Variants in RYR3 observed in about 807,000 individuals in gnomAD.
The protein encoded by RYR3 is brain ryanodine receptor-calcium release channel.
A neutral mutation model predicts 584.3 loss-of-function variants in RYR3; 207 were observed. The observed-to-expected ratio is 0.35, with a 90% CI of 0.32 to 0.40. The LOEUF (loss-of-function observed/expected upper bound fraction) is 0.40, where lower values mean the gene tolerates loss of function less well. RYR3 is among the 10% of genes least tolerant of loss of function. The pLI is 1.00. For missense variants in RYR3, 5,616 were observed against 6,089.2 expected, an observed-to-expected ratio of 0.92 and a Z score of 2.59; for synonymous variants, 2,416 against 2,248.5, an observed-to-expected ratio of 1.07 and a Z score of -2.11.
At position 33,601,442 on chromosome 15, in the gene RYR3, C is replaced by T. The variant is rs758088014; in HGVS notation, c.1812C>T (p.Leu604=). ...AGGTTCTGGATATCCTGTGCTCCCTCTGTCTCTGCAATGGGGTTGCAGTGA... is the reference window on the plus strand; with the variant it reads ...AGGTTCTGGATATCCTGTGCTCCCTTTGTCTCTGCAATGGGGTTGCAGTGA... ...NHKVLDILCS[L]CLCNGVAVRA... is the part of the protein sequence containing the mutation. The change falls in exon 17 of 104, where the codon CTC becomes CTT. Residue 604 remains leucine, a synonymous_variant. Transcript: ENST00000634891. 8 of 1,613,064 alleles carry T rather than the reference C, an allele frequency of 5.0e-6. No individual in the cohort carries two copies. Among genetic ancestry groups the T allele is most frequent in the Non-Finnish European group, 6.8e-6 (8 of 1,179,610 alleles).
intron 85 of RYR3, among the ~76,000 whole-genome samples, chr15:33,827,839 G>C (rs968861592): frequency 2.6e-5 from 4 of 152,308 alleles, no homozygotes; most frequent in Admixed American, 1.3e-4. Context: ...ATGTGCCTGT[G>C]TTCCAGTTTT....
intron 1 of RYR3, among the ~76,000 whole-genome samples, chr15:33,426,358 A>G (rs766327492): frequency 5.9e-5 from 9 of 152,276 alleles, no homozygotes; most frequent in Non-Finnish European, 1.3e-4. Context: ...CCTGGCTTCC[A>G]GATTTCAGAT....
At chr15:33,581,727 A>G (rs1264297823) in intron 14 of RYR3, 84 bp downstream of exon 14, 9 of 1,244,094 alleles carry the variant, frequency 7.2e-6, no homozygotes, top group Middle Eastern at 2.0e-4. Context: ...TTAACTTGCC[A>G]TTAACCCTGT....
chr15:33,779,984 C>T (rs992419976), intron 64 of RYR3, among the ~76,000 whole-genome samples: 1 of 152,232 alleles, frequency 6.6e-6, no homozygotes, highest in East Asian at 1.9e-4. Context: ...GCACTCCAGC[C>T]TGGGTGACAG....
intron 1 of RYR3, among the ~76,000 whole-genome samples, chr15:33,405,648 G>A (rs977876565): frequency 6.6e-6 from 1 of 152,220 alleles, no homozygotes; most frequent in African/African-American, 2.4e-5. Flanking sequence ...CACGTTGATA[G>A]TAATGATGTA....
At chr15:33,818,214 T>G (rs1368592497) in intron 75 of RYR3, among the ~76,000 whole-genome samples, 1 of 152,172 alleles carries the variant, frequency 6.6e-6, no homozygotes, top group Non-Finnish European at 1.5e-5. Flanking sequence ...CTCAGGTGTC[T>G]CTGTGGGGTT....
At chr15:33,498,522 T>G (rs1213431452) in intron 2 of RYR3, among the ~76,000 whole-genome samples, 2 of 152,112 alleles carry the variant, frequency 1.3e-5, no homozygotes, top group African/African-American at 2.4e-5. Flanking sequence ...GTAGTTGAGT[T>G]TTTTTGGCGG....
At chr15:33,719,485 G>A (rs2067742370) in intron 43 of RYR3, among the ~76,000 whole-genome samples, 1 of 152,180 alleles carries the variant, frequency 6.6e-6, no homozygotes, top group Non-Finnish European at 1.5e-5. Context: ...GTAACTGAAA[G>A]AATTATAGTA....
chr15:33,439,057 G>A (rs1392459232), intron 1 of RYR3, among the ~76,000 whole-genome samples: 1 of 152,082 alleles, frequency 6.6e-6, no homozygotes, highest in Non-Finnish European at 1.5e-5. Context: ...AAAAAGTTCT[G>A]TAATCTTTTA....
chr15:33,826,564 C>T, intron 83 of RYR3, 108 bp from the exon 84 acceptor site: 1 of 1,069,974 alleles, frequency 9.3e-7, no homozygotes, highest in South Asian at 1.3e-5. Flanking sequence ...GTTCCTTTTC[C>T]AAACCATTCT....
At chr15:33,348,103 A>C (rs1221099576) in intron 1 of RYR3, among the ~76,000 whole-genome samples, 1 of 152,220 alleles carries the variant, frequency 6.6e-6, no homozygotes, top group African/African-American at 2.4e-5. Flanking sequence ...TCAACTCTAT[A>C]CATTATCACA....
chr15:33,364,111 T>C (rs1188842905), intron 1 of RYR3, among the ~76,000 whole-genome samples: 1 of 152,238 alleles, frequency 6.6e-6, no homozygotes, highest in Non-Finnish European at 1.5e-5. Flanking sequence ...TTATATTGAA[T>C]ACATTGAAAT....
intron 19 of RYR3, among the ~76,000 whole-genome samples, chr15:33,619,680 G>C (rs986338122): frequency 6.6e-6 from 1 of 152,176 alleles, no homozygotes; most frequent in Non-Finnish European, 1.5e-5. Context: ...TTTGTATTCA[G>C]TTTACAGCTT....
chr15:33,746,296 C>A, intron 53 of RYR3, 139 bp downstream of exon 53: 1 of 682,432 alleles, frequency 1.5e-6, no homozygotes, highest in Non-Finnish European at 2.6e-6. Flanking sequence ...TGTTCACAAG[C>A]TTGCCAGTGG....
At chr15:33,748,421 A>T in intron 54 of RYR3, 47 bp from the exon 55 acceptor site, 1 of 1,590,560 alleles carries the variant, frequency 6.3e-7, no homozygotes, top group Non-Finnish European at 8.6e-7. Flanking sequence ...CCTGATAAGA[A>T]CAAGGAAAAT....
chr15:33,773,599 A>G lies in RYR3; in HGVS notation c.9121A>G (p.Asn3041Asp). 1 of 1,605,106 alleles carries G rather than the reference A, an allele frequency of 6.2e-7. No individual in the cohort carries two copies. Residue 3041 changes from asparagine to aspartate, a missense_variant, in exon 64 of 104, where the codon AAC becomes GAC. Asn to Asp is a conservative substitution (Grantham distance 23). Around this residue, in one of 9 missense-constraint regions of RYR3, gnomAD observed 954 missense variants for 1,132.2 expected, o/e 0.84. Coordinates refer to ENST00000634891, the MANE Select transcript of RYR3 (RefSeq NM_001036.6). ...CSLYSLGTGK[N>D]IYVERQRPAL... Reference sequence around the variant, plus strand: ...CCTCTACTCCCTTGGGACGGGAAAGAACATTTATGTTGAAAGGTAATTAGT... The same window carrying G: ...CCTCTACTCCCTTGGGACGGGAAAGGACATTTATGTTGAAAGGTAATTAGT...
At chr15:33,451,317 C>T (rs1216829449) in intron 1 of RYR3, among the ~76,000 whole-genome samples, 2 of 152,132 alleles carry the variant, frequency 1.3e-5, no homozygotes, top group African/African-American at 4.8e-5. Flanking sequence ...CTACCCCTTC[C>T]CCACTTATCT....
At chr15:33,844,497 C>T (rs534217924) in intron 92 of RYR3, among the ~76,000 whole-genome samples, 45 of 152,192 alleles carry the variant, frequency 3.0e-4, no homozygotes, top group Non-Finnish European at 5.4e-4. Context: ...GGTGGGGGAG[C>T]GGGCACACAC....
In RYR3 at chr15:33,820,740, G is replaced by C. The variant is rs376367121; in HGVS notation, c.10759-16G>C. On this transcript the variant is annotated splice_polypyrimidine_tract_variant and intron_variant, in intron 77 of 103. Transcript: ENST00000634891. ...TGATTGTCTGTCTTCTCCCTTCCCT[G>C]CTCCATGAAATCCAGAGTTGTCAAA... is the stretch of plus-strand genomic sequence containing the variant. The C allele has an allele frequency of 6.2e-7, 1 of 1,600,658 alleles. No homozygotes were observed. The highest frequency in any genetic ancestry group is 1.3e-5 in the African/African-American group (1 of 74,670).
Sources: allele counts gnomAD v4.1 joint callset (sites outside exome capture counted in the v4.1 genomes callset), GRCh38; gene constraint gnomAD v4.1.1; regional missense constraint gnomAD v4.1.1; transcripts MANE v1.5; gene names NCBI Gene and HGNC (gene_info 2026-07-23, HGNC 2026-07-21).